SYTL2: variants seen among roughly 807,000 people sequenced by gnomAD.
The protein encoded by SYTL2 is synaptotagmin like 2.
Under a neutral mutation model 198.7 loss-of-function variants are expected in SYTL2, and 165 were observed. The observed-to-expected ratio is 0.83, with a 90% confidence interval of 0.73 to 0.94. The LOEUF is 0.94. Among genes scored for constraint, SYTL2 ranks in the 40% least tolerant of loss-of-function variants. SYTL2 has a pLI of 0.00. For missense variants in SYTL2, 2,835 were observed against 2,582.8 expected (o/e 1.10, Z -2.12); for synonymous variants, 966 against 917.7 (o/e 1.05, Z -0.95).
the SYTL2 span, among the ~76,000 whole-genome samples, chr11:85,845,029 C>T: frequency 3.3e-5 from 5 of 152,154 alleles, no homozygotes; most frequent in Non-Finnish European, 5.9e-5. Flanking sequence ...TTGCAATGCC[C>T]TCTGTCCCAG....
Position 85,752,636 on chromosome 11 carries a change from C to T in SYTL2, c.102-4213G>A, listed in dbSNP as rs12272327. ...ACCTTTTACATGACACATCGTAGATCTCTGCAGTCTGCTGAGAGGCAGCAC... is the reference window on the plus strand; with the variant it reads ...ACCTTTTACATGACACATCGTAGATTTCTGCAGTCTGCTGAGAGGCAGCAC... On this transcript the variant is annotated intron_variant, in intron 2 of 19. Transcript: ENST00000359152. Among the ~76,000 whole-genome samples, 585 of 152,192 alleles carry T rather than the reference C, an allele frequency of 3.8e-3. 2 individuals carry two copies. The highest frequency in any genetic ancestry group is 6.6e-3 in the Non-Finnish European group (451 of 67,992).
intron 4 of SYTL2, among the ~76,000 whole-genome samples, chr11:85,742,554 C>A (rs2090878146): frequency 6.6e-6 from 1 of 152,214 alleles, no homozygotes; most frequent in Non-Finnish European, 1.5e-5. Context: ...CTGTTTGCCA[C>A]TGGTTCACAA....
chr11:85,797,218 C>T (rs2092816558), intron 1 of SYTL2, among the ~76,000 whole-genome samples: 1 of 152,204 alleles, frequency 6.6e-6, no homozygotes, highest in African/African-American at 2.4e-5. Flanking sequence ...GTTTCCCTAG[C>T]TGTGGAAACT....
chr11:85,781,704 C>A (rs961805181), intron 1 of SYTL2, among the ~76,000 whole-genome samples: 1 of 152,208 alleles, frequency 6.6e-6, no homozygotes, highest in African/African-American at 2.4e-5. Context: ...AATGAAGGGG[C>A]AACAGGCCCC....
intron 5 of SYTL2, 92 bp downstream of exon 5, chr11:85,737,483 A>T: frequency 9.8e-7 from 1 of 1,023,554 alleles, no homozygotes; most frequent in Non-Finnish European, 1.5e-6. Context: ...ACTGTACTAC[A>T]AAATTCTCTT....
chr11:85,736,550 A>G lies in SYTL2; in HGVS notation c.537T>C (p.Asn179=). 1 of 1,607,416 alleles carries G rather than the reference A, an allele frequency of 6.2e-7. No individual in the cohort carries two copies. The highest frequency in any genetic ancestry group is 2.2e-5 in the East Asian group (1 of 44,716). Reference sequence around the variant, plus strand: ...CAGTTCTTCCATTTTTTGACTGTTCATTTTTAGTTTGTTGTGATGAGTGAC... The same window carrying G: ...CAGTTCTTCCATTTTTTGACTGTTCGTTTTTAGTTTGTTGTGATGAGTGAC... ...PEGHSSQQTK[N]EQSKNGRTGL... Residue 179 remains asparagine (N), a synonymous_variant, in exon 6 of 20, where the codon AAT becomes AAC. Transcript: ENST00000359152.
At chr11:85,786,743 C>T (rs2092641888) in intron 1 of SYTL2, among the ~76,000 whole-genome samples, 1 of 152,060 alleles carries the variant, frequency 6.6e-6, no homozygotes, top group Non-Finnish European at 1.5e-5. Flanking sequence ...CTTTAAACTT[C>T]CAATGCACCA....
At chr11:85,748,493 A>T in intron 2 of SYTL2, 70 bp from the exon 3 acceptor site, 1 of 1,508,324 alleles carries the variant, frequency 6.6e-7, no homozygotes, top group Non-Finnish European at 9.1e-7. Context: ...ATGACACCGC[A>T]TAAAGACATG....
At chr11:85,732,649 A>C (rs780936606) in intron 7 of SYTL2, among the ~76,000 whole-genome samples, 2 of 152,176 alleles carry the variant, frequency 1.3e-5, no homozygotes, top group African/African-American at 4.8e-5. Flanking sequence ...TGTAGGTGAC[A>C]GGTTGATGGG....
chr11:85,757,923 GAAGTCCTGGTCTGT>G lies in SYTL2; in HGVS notation c.-212_-199del. 1 of 640,230 alleles carries G rather than the reference GAAGTCCTGGTCTGT, an allele frequency of 1.6e-6. No individual in the cohort carries two copies. The highest frequency in any genetic ancestry group is 1.9e-5 in the South Asian group (1 of 51,470). The allele number at this position is 640,230 out of a possible 1,614,324, so 39.7% of individuals were successfully genotyped here. On this transcript the variant is annotated 5_prime_UTR_variant, in exon 2 of 20. Transcript: ENST00000359152. ...GATCCTAAGTGCTCTTTCCCATGAG[GAAGTCCTGGTCTGT>G]GGGATAGTGTCGAGAAGAGGCTCTC... is the stretch of plus-strand genomic sequence containing the variant.
intron 14 of SYTL2, chr11:85,708,153 C>CAA (rs201488817): frequency 8.9e-4 from 300 of 338,076 alleles, no homozygotes; most frequent in South Asian, 1.6e-3. Flanking sequence ...AACTCCACCT[C>CAA]AAAAAAAAAA....
intron 6 of SYTL2, 23 bp downstream of exon 6, chr11:85,736,478 A>C: frequency 7.9e-7 from 1 of 1,262,856 alleles, no homozygotes. Flanking sequence ...TAAAAAAATC[A>C]AGTTCATAAA....
chr11:85,792,618 C>CTT (rs34575906), intron 1 of SYTL2, among the ~76,000 whole-genome samples: 3 of 148,874 alleles, frequency 2.0e-5, no homozygotes, highest in Admixed American at 6.7e-5. Context: ...AGTTTCAGAG[C>CTT]TTTTTTTTTT....
At chr11:85,813,953 C>G (rs1025538565), upstream of SYTL2, among the ~76,000 whole-genome samples, 2 of 152,166 alleles carry the variant, frequency 1.3e-5, no homozygotes, top group Non-Finnish European at 2.9e-5. Flanking sequence ...AGCGATCTGC[C>G]CGCCTCAGCA....
chr11:85,728,213 G>A (rs187554775), intron 7 of SYTL2, among the ~76,000 whole-genome samples: 15 of 152,206 alleles, frequency 9.9e-5, no homozygotes, highest in Admixed American at 5.9e-4. Context: ...AGACCTAACC[G>A]AAAAATTTCT....
At chr11:85,830,691 C>A in the SYTL2 span, among the ~76,000 whole-genome samples, 1 of 152,348 alleles carries the variant, frequency 6.6e-6, no homozygotes, top group East Asian at 1.9e-4. Context: ...GATAAATACT[C>A]TAGCTTCTCT....
At chr11:85,732,293 G>T (rs906489723) in intron 7 of SYTL2, among the ~76,000 whole-genome samples, 1 of 152,140 alleles carries the variant, frequency 6.6e-6, no homozygotes, top group African/African-American at 2.4e-5. Context: ...ACATGCACAC[G>T]TGTGTTTACT....
chr11:85,823,084 G>A, the SYTL2 span, among the ~76,000 whole-genome samples: 5 of 152,206 alleles, frequency 3.3e-5, no homozygotes, highest in Non-Finnish European at 5.9e-5. Context: ...CCTCCCTCTT[G>A]CCACCCTCCT....
intron 2 of SYTL2, among the ~76,000 whole-genome samples, chr11:85,752,041 T>C (rs1591899738): frequency 1.3e-5 from 2 of 152,208 alleles, no homozygotes; most frequent in African/African-American, 4.8e-5. Flanking sequence ...TCAACACATT[T>C]GCCCTCAGCC....
Sources: gnomAD v4.1 joint callset for allele counts (sites outside exome capture counted in the v4.1 genomes callset) on GRCh38, gnomAD v4.1.1 for gene constraint, MANE v1.5 for transcripts, NCBI Gene and HGNC (gene_info 2026-07-23, HGNC 2026-07-21) for gene names.